Variants in PRELID2 observed in about 807,000 individuals in gnomAD.
PRELID2 encodes the protein PRELI domain containing 2, also known as PRELI domain-containing protein 2.
Under a neutral mutation model 28.4 loss-of-function variants are expected in PRELID2, and 25 were observed. The ratio of observed to expected loss-of-function variants is 0.88; its 90% CI spans 0.64 to 1.23. PRELID2 has a LOEUF of 1.23. PRELID2 is among the 50% of genes most tolerant of loss of function. The pLI is 0.00. For missense variants in PRELID2, 201 were observed against 214.4 expected (o/e 0.94, Z 0.39); for synonymous variants, 76 against 71.6 (o/e 1.06, Z -0.31).
intron 5 of PRELID2, chr5:145,795,698 T>C (rs1244719397): frequency 6.6e-6 from 1 of 152,192 alleles, no homozygotes; most frequent in Non-Finnish European, 1.5e-5. Flanking sequence ...ATAAAACACT[T>C]AGGAGCAACT....
At chr5:145,744,185 G>A (rs1756922325) in intron 1 of PRELID2, among the ~76,000 whole-genome samples, 1 of 152,200 alleles carries the variant, frequency 6.6e-6, no homozygotes, top group Non-Finnish European at 1.5e-5. Flanking sequence ...CCCTGGGCCT[G>A]AGCCCCTCAG....
At chr5:145,734,548 G>A (rs1399074384) in intron 1 of PRELID2, among the ~76,000 whole-genome samples, 3 of 152,072 alleles carry the variant, frequency 2.0e-5, no homozygotes, top group African/African-American at 7.2e-5. Flanking sequence ...GAATAAGTGA[G>A]GTGTACTAGC....
rs183619127 is a variant in PRELID2 at position 145,640,253 on chromosome 5, G to A, written n.70+124678C>T. On this transcript the variant is annotated intron_variant and non_coding_transcript_variant, in intron 1 of 2. Coordinates refer to the PRELID2 transcript ENST00000510259. ...TGTAATCCCAGCAATTTGGGAGGCC[G>A]AGGCGGGCGGATCACGAGGTCAGGA... is the stretch of plus-strand genomic sequence containing the variant. Among the ~76,000 whole-genome samples the A allele has an allele frequency of 7.6e-4, 115 of 152,156 alleles. No homozygotes were observed. The East Asian group carries it at 0.013, about 17-fold the overall frequency.
the PRELID2 span, among the ~76,000 whole-genome samples, chr5:145,373,127 G>A: frequency 3.0e-5 from 1 of 33,740 alleles, no homozygotes; most frequent in Non-Finnish European, 4.7e-5. Context: ...TAATATACAT[G>A]ATATATATTA....
chr5:145,820,032 T>C lies in PRELID2; in HGVS notation c.134-14A>G. On this transcript the variant is annotated splice_polypyrimidine_tract_variant and intron_variant, in intron 2 of 6. Coordinates refer to ENST00000683046, the MANE Select transcript of PRELID2 (RefSeq NM_205846.3). The stretch of plus-strand genomic sequence containing the variant: ...CTGTTGATTCATCTAAAAAAGAAAT[T>C]TTTTTACACAAAAAAAAATTAAAGA... 2 of 1,471,282 alleles carry C rather than the reference T, an allele frequency of 1.4e-6. No individual in the cohort carries two copies. The highest frequency in any genetic ancestry group is 1.9e-6 in the Non-Finnish European group (2 of 1,065,936). 91.1% of individuals were successfully genotyped at this position (1,471,282 alleles called of 1,614,324 possible).
the PRELID2 span, among the ~76,000 whole-genome samples, chr5:145,288,144 T>C: frequency 6.6e-6 from 1 of 151,902 alleles, no homozygotes; most frequent in African/African-American, 2.4e-5. Flanking sequence ...AAAGTTACTC[T>C]TTTGCCCTCC....
At chr5:145,524,924 C>T (rs893091314) in intron 1 of PRELID2, among the ~76,000 whole-genome samples, 3 of 152,176 alleles carry the variant, frequency 2.0e-5, no homozygotes, top group Non-Finnish European at 2.9e-5. Flanking sequence ...ACCCCTACCA[C>T]GGCCTCTGTT....
At chr5:145,567,824 G>A (rs776768707) in intron 1 of PRELID2, among the ~76,000 whole-genome samples, 12 of 152,114 alleles carry the variant, frequency 7.9e-5, no homozygotes, top group South Asian at 4.1e-4. Flanking sequence ...ACTGCGAGTC[G>A]ATTAAACTTC....
chr5:145,459,156 C>T, the PRELID2 span, among the ~76,000 whole-genome samples: 1 of 152,162 alleles, frequency 6.6e-6, no homozygotes, highest in South Asian at 2.1e-4. Context: ...GACTGCCAGG[C>T]TGCTTTGAAT....
the PRELID2 span, among the ~76,000 whole-genome samples, chr5:145,414,830 T>C: frequency 6.6e-6 from 1 of 152,206 alleles, no homozygotes; most frequent in Admixed American, 6.5e-5. Context: ...CACAATGGCA[T>C]AGGCAGAATG....
At chr5:145,269,672 A>C in the PRELID2 span, among the ~76,000 whole-genome samples, 1 of 151,254 alleles carries the variant, frequency 6.6e-6, no homozygotes, top group African/African-American at 2.4e-5. Context: ...TAAACAAAAG[A>C]CACCATTAAG....
the PRELID2 span, among the ~76,000 whole-genome samples, chr5:145,423,839 G>A: frequency 6.5e-5 from 9 of 138,778 alleles, no homozygotes; most frequent in Non-Finnish European, 1.3e-4. Flanking sequence ...CAGTTTTTCT[G>A]TTCTGTTTTT....
chr5:145,321,128 C>G, the PRELID2 span, among the ~76,000 whole-genome samples: 1 of 152,160 alleles, frequency 6.6e-6, no homozygotes, highest in African/African-American at 2.4e-5. Context: ...CCATTATTAT[C>G]TCCCTTTAAT....
chr5:145,767,940 G>A (rs1302831312), intron 5 of PRELID2, among the ~76,000 whole-genome samples: 1 of 152,094 alleles, frequency 6.6e-6, no homozygotes, highest in African/African-American at 2.4e-5. Flanking sequence ...TAAAGAATTA[G>A]GGGAGGCCAG....
chr5:145,801,088 G>A (rs1451948943), intron 4 of PRELID2, among the ~76,000 whole-genome samples: 1 of 152,116 alleles, frequency 6.6e-6, no homozygotes, highest in African/African-American at 2.4e-5. Flanking sequence ...TTATTTACTT[G>A]CTTTGGTCTT....
chr5:145,424,921 G>A, the PRELID2 span, among the ~76,000 whole-genome samples: 1 of 152,048 alleles, frequency 6.6e-6, no homozygotes, highest in East Asian at 1.9e-4. Context: ...TTGACAAATG[G>A]GACCTAATTA....
intron 1 of PRELID2, among the ~76,000 whole-genome samples, chr5:145,478,586 T>C (rs1752128886): frequency 6.6e-6 from 1 of 152,060 alleles, no homozygotes; most frequent in South Asian, 2.1e-4. Flanking sequence ...ATATAAAGTG[T>C]CTTCTTAATA....
At chr5:145,313,571 A>C in the PRELID2 span, among the ~76,000 whole-genome samples, 2 of 152,184 alleles carry the variant, frequency 1.3e-5, no homozygotes, top group Admixed American at 1.3e-4. Flanking sequence ...GAAAATGGCT[A>C]CTGTGGGACC....
intron 1 of PRELID2, among the ~76,000 whole-genome samples, chr5:145,674,736 G>A (rs896763989): frequency 1.3e-5 from 2 of 152,124 alleles, no homozygotes; most frequent in African/African-American, 4.8e-5. Flanking sequence ...TTGAGGCTAG[G>A]AATTTGAGAC....
Sources: gnomAD v4.1 joint callset for allele counts (sites outside exome capture counted in the v4.1 genomes callset) on GRCh38, gnomAD v4.1.1 for gene constraint, MANE v1.5 for transcripts, NCBI Gene and HGNC (gene_info 2026-07-23, HGNC 2026-07-21) for gene names.